The following MRPL36 variants were observed in gnomAD, a reference collection of about 807,000 sequenced individuals.
The protein encoded by MRPL36 is mitochondrial ribosomal protein L36.
MRPL36 carries 1 observed loss-of-function variant against 2.8 expected under a neutral mutation model. The ratio of observed to expected loss-of-function variants is 0.36; its 90% CI spans 0.13 to 1.69. The LOEUF is 1.69. Among genes scored for constraint, MRPL36 ranks in the 40% most tolerant of loss-of-function variants. MRPL36 has a pLI of 0.35. For synonymous variants in MRPL36, 68 were observed against 54.8 expected (o/e 1.24, Z -1.06); for missense variants, 148 against 132.7 (o/e 1.12, Z -0.57).
upstream of MRPL36, among the ~76,000 whole-genome samples, chr5:1,800,383 T>TTG (rs1351432858): frequency 5.9e-5 from 9 of 152,224 alleles, no homozygotes; most frequent in African/African-American, 1.9e-4. Context: ...GCCTTCCTTT[T>TTG]TGTGTGTGTC....
At chr5:1,799,098 C>T in intron 1 of MRPL36, 151 bp from the exon 2 acceptor site, 2 of 624,016 alleles carry the variant, frequency 3.2e-6, no homozygotes, top group East Asian at 2.8e-5. Flanking sequence ...TCGACCTGAG[C>T]TTGAACACTG....
chr5:1,800,035 A>G (rs1417532084), upstream of MRPL36: 1 of 152,230 alleles, frequency 6.6e-6, no homozygotes, highest in Admixed American at 6.5e-5. Flanking sequence ...GGGAAAAAAA[A>G]TGCAAAAACC....
At chr5:1,798,971 G>GT in intron 1 of MRPL36, 24 bp from the exon 2 acceptor site, 2 of 1,516,676 alleles carry the variant, frequency 1.3e-6, no homozygotes, top group Non-Finnish European at 1.8e-6. Context: ...AAAAAAAGGA[G>GT]TTATAGCTTC....
intron 1 of MRPL36, 78 bp downstream of exon 1, chr5:1,799,714 G>A (rs1037717402): frequency 1.1e-4 from 16 of 152,308 alleles, no homozygotes; most frequent in African/African-American, 3.9e-4. Context: ...AGGGTCCCAA[G>A]GTGGCCGGCC....
Position 1,798,503 on chromosome 5 carries a change from G to C in MRPL36, c.*121C>G. ...ACTGAAACGTGATGGGTAACTTTTA[G>C]GGCGTTTGCTTCCAGTCACTTTCCC... On this transcript the variant is annotated 3_prime_UTR_variant, in exon 2 of 2. Transcript: ENST00000505059. 2 of 884,390 alleles carry C rather than the reference G, an allele frequency of 2.3e-6. No homozygotes were observed. Among genetic ancestry groups the C allele is most frequent in the East Asian group, 2.6e-5 (1 of 38,294 alleles). 54.8% of individuals were successfully genotyped at this position (884,390 alleles called of 1,614,324 possible). A position where few individuals can be genotyped will look rare whatever the true frequency, so the allele number is the denominator to read the frequency against.
At chr5:1,800,705 T>A (rs151035652), upstream of MRPL36, among the ~76,000 whole-genome samples, 9 of 152,352 alleles carry the variant, frequency 5.9e-5, no homozygotes, top group East Asian at 1.7e-3. Flanking sequence ...AAAGAAAAGC[T>A]GGATGCTGGA....
upstream of MRPL36, among the ~76,000 whole-genome samples, chr5:1,800,737 C>G (rs544884893): frequency 8.5e-5 from 13 of 152,196 alleles, no homozygotes; most frequent in Non-Finnish European, 1.5e-4. Context: ...GATTTATACC[C>G]AAGTCAACTC....
At position 1,798,751 on chromosome 5, in the gene MRPL36, G is replaced by C. The variant is rs751251864; in HGVS notation, c.185C>G (p.Pro62Arg). ...AGTCTTGTTTTTGAACCCCAGCGCA[G>C]GCAGCAGATGGGGCAGGAGGCCGGG... ...LSPGLLPHLL[P>R]ALGFKNKTVL... The change falls in exon 2 of 2, where the codon CCT becomes CGT. Residue 62 changes from proline (P) to arginine (R), a missense_variant. By Grantham distance (103) the Pro-to-Arg change is moderately radical (BLOSUM62 -2). Coordinates refer to ENST00000505059, the MANE Select transcript of MRPL36 (RefSeq NM_032479.4). 3 of 1,614,034 alleles carry C rather than the reference G, an allele frequency of 1.9e-6. No individual in the cohort carries two copies. The highest frequency in any genetic ancestry group is 2.5e-6 in the Non-Finnish European group (3 of 1,179,962).
At chr5:1,800,991 AC>A (rs1468520992), upstream of MRPL36, among the ~76,000 whole-genome samples, 3 of 152,194 alleles carry the variant, frequency 2.0e-5, no homozygotes, top group Non-Finnish European at 4.4e-5. Context: ...AAGAATATAA[AC>A]AATGTATTTT....
upstream of MRPL36, chr5:1,801,281 GGCGC>G: frequency 7.6e-7 from 1 of 1,317,858 alleles, no homozygotes. Context: ...GAGCAGCTCC[GGCGC>G]ACCCTCTGCC....
At position 1,798,581 on chromosome 5, in the gene MRPL36, T is replaced by C. The variant is rs921331125; in HGVS notation, c.*43A>G. ...CATAAGATACAACCATTCTCCCAAGTGATGCGATGACGAGTATGTGCGTGA... is the reference window on the plus strand; with the variant it reads ...CATAAGATACAACCATTCTCCCAAGCGATGCGATGACGAGTATGTGCGTGA... On this transcript the variant is annotated 3_prime_UTR_variant, in exon 2 of 2. Coordinates refer to ENST00000505059, the MANE Select transcript of MRPL36 (RefSeq NM_032479.4). 8 of 1,549,102 alleles carry C rather than the reference T, an allele frequency of 5.2e-6. No homozygotes were observed. The highest frequency in any genetic ancestry group is 7.1e-6 in the Non-Finnish European group (8 of 1,134,744).
Position 1,798,732 on chromosome 5 carries a change from G to A in MRPL36, c.204C>T (p.Asn68=). The A allele has an allele frequency of 6.2e-7, 1 of 1,613,962 alleles. No homozygotes were observed. The highest frequency in any genetic ancestry group is 1.7e-5 in the Admixed American group (1 of 60,002). ...TGCAGCGCTTCTTAAGGACAGTCTT[G>A]TTTTTGAACCCCAGCGCAGGCAGCA... ...PHLLPALGFK[N]KTVLKKRCKD... The change falls in exon 2 of 2, where the codon AAC becomes AAT. Residue 68 remains asparagine, a synonymous_variant. Coordinates refer to ENST00000505059, the MANE Select transcript of MRPL36 (RefSeq NM_032479.4).
chr5:1,799,368 C>A (rs1322116570), intron 1 of MRPL36: 1 of 154,778 alleles, frequency 6.5e-6, no homozygotes, highest in Non-Finnish European at 1.4e-5. Flanking sequence ...TCGGGACAGG[C>A]CCCCGCTCCG....
upstream of MRPL36, chr5:1,801,350 C>T: frequency 6.4e-7 from 1 of 1,567,102 alleles, no homozygotes; most frequent in African/African-American, 1.4e-5. Context: ...TTTGGCGCCG[C>T]CAGAAGCCGT....
upstream of MRPL36, among the ~76,000 whole-genome samples, chr5:1,800,835 A>G (rs1734015609): frequency 6.6e-6 from 1 of 152,058 alleles, no homozygotes. Context: ...TCCCCAATAT[A>G]CGTTTCCTCT....
At chr5:1,800,774 T>C (rs1436246960), upstream of MRPL36, among the ~76,000 whole-genome samples, 4 of 152,358 alleles carry the variant, frequency 2.6e-5, no homozygotes, top group Admixed American at 1.3e-4. Context: ...TTTTAGAGGC[T>C]GTATTTGCAT....
At chr5:1,798,978 C>T (rs1186474385) in intron 1 of MRPL36, 31 bp from the exon 2 acceptor site, 14 of 1,497,364 alleles carry the variant, frequency 9.3e-6, no homozygotes, top group African/African-American at 1.4e-5. Context: ...GGAGTTATAG[C>T]TTCTCCTGCA....
chr5:1,801,405 C>T (rs886517241), upstream of MRPL36: 4 of 1,605,052 alleles, frequency 2.5e-6, no homozygotes, highest in Non-Finnish European at 3.4e-6. Context: ...GGGTCAAAGG[C>T]CAGCGGCGCA....
At chr5:1,801,389 T>C (rs1209180925), upstream of MRPL36, 4 of 1,602,212 alleles carry the variant, frequency 2.5e-6, no homozygotes, top group Non-Finnish European at 2.5e-6. Flanking sequence ...AGCGGGACGT[T>C]GCGCCGGGTC....
Sources: allele counts gnomAD v4.1 joint callset (sites outside exome capture counted in the v4.1 genomes callset), GRCh38; gene constraint gnomAD v4.1.1; transcripts MANE v1.5; gene names NCBI Gene and HGNC (gene_info 2026-07-23, HGNC 2026-07-21).